SLC40A1: variants seen among roughly 807,000 people sequenced by gnomAD.
The protein encoded by SLC40A1 is ferroportin.
In SLC40A1, 16 loss-of-function variants were observed where a neutral mutation model predicts 53.5. That is an observed-to-expected ratio of 0.30 (90% CI 0.20 to 0.45). The LOEUF is 0.45. Among genes scored for constraint, SLC40A1 ranks in the 20% least tolerant of loss-of-function variants. The pLI, the probability that SLC40A1 is intolerant of heterozygous loss-of-function variation, is 1.00. For missense variants in SLC40A1, 545 were observed against 695.4 expected (o/e 0.78, Z 2.43); for synonymous variants, 247 against 253.2 (o/e 0.98, Z 0.23).
Position 189,564,128 on chromosome 2 carries a change from G to A in SLC40A1, c.858C>T (p.Ser286=), listed in dbSNP as rs1231452884. The A allele has an allele frequency of 1.9e-6, 3 of 1,611,706 alleles. No individual in the cohort carries two copies. The highest frequency in any genetic ancestry group is 1.3e-5 in the African/African-American group (1 of 74,826). Residue 286 remains serine (S), a synonymous_variant, in exon 7 of 8, where the codon TCC becomes TCT. Coordinates refer to ENST00000261024, the MANE Select transcript of SLC40A1 (RefSeq NM_014585.6). Reference sequence around the variant, plus strand: ...AGGTACGGAAGGGCTCAGCCATCTGGGAGGCACAAGTAGGCTCTTGCTCAT... The same window carrying A: ...AGGTACGGAAGGGCTCAGCCATCTGAGAGGCACAAGTAGGCTCTTGCTCAT... The part of the protein sequence containing the change: ...LEHEQEPTCA[S]QMAEPFRTFR...
chr2:189,574,004 T>C (rs1464762974), intron 3 of SLC40A1, among the ~76,000 whole-genome samples: 1 of 152,198 alleles, frequency 6.6e-6, no homozygotes, highest in Non-Finnish European at 1.5e-5. Flanking sequence ...GATCATTATA[T>C]CTGTGTAAGA....
At chr2:189,565,266 T>C (rs1243662952) in intron 6 of SLC40A1, 88 bp downstream of exon 6, 2 of 1,548,102 alleles carry the variant, frequency 1.3e-6, no homozygotes, top group Non-Finnish European at 1.8e-6. Flanking sequence ...TAATAAAACC[T>C]GATACAAATT....
intron 2 of SLC40A1, among the ~76,000 whole-genome samples, chr2:189,577,863 T>TGCCTCA (rs56208508): frequency 0.75 from 113,400 of 151,398 alleles, 46,129 homozygotes; most frequent in Non-Finnish European, 0.9. Flanking sequence ...GGAATCCTCC[T>TGCCTCA]GCCTCCCAAA....
At chr2:189,578,067 C>A (rs2031345676) in intron 2 of SLC40A1, among the ~76,000 whole-genome samples, 1 of 152,110 alleles carries the variant, frequency 6.6e-6, no homozygotes, top group Non-Finnish European at 1.5e-5. Context: ...ACGTTCAGTG[C>A]ATAAGAAATC....
intron 2 of SLC40A1, among the ~76,000 whole-genome samples, chr2:189,577,742 T>C (rs770096746): frequency 2.0e-5 from 3 of 151,752 alleles, no homozygotes; most frequent in Non-Finnish European, 4.4e-5. Context: ...AGCCTCTCAG[T>C]AGCTGGGACT....
At position 189,575,313 on chromosome 2, in the gene SLC40A1, C is replaced by T. The variant is rs746832217; in HGVS notation, c.119G>A (p.Arg40Gln). ...LGHSLSTWGDRMWHFAVSVFL... is the reference protein window; with the variant it reads ...LGHSLSTWGDQMWHFAVSVFL... ...CACAGACACCGCAAAGTGCCACATC[C>T]GATCTCCCTTAAATGAAAAGAGAAA... The change falls in exon 3 of 8, where the codon CGG (arginine) becomes CAG (glutamine). Residue 40 changes from arginine (R) to glutamine (Q), a missense_variant. By Grantham distance (43) the Arg-to-Gln change is conservative. Transcript: ENST00000261024. 4.3e-6 allele frequency: 7 copies of T among 1,614,068 alleles called. No individual in the cohort carries two copies. Among genetic ancestry groups the T allele is most frequent in the East Asian group, 2.2e-5 (1 of 44,884 alleles).
At chr2:189,571,025 G>A (rs1354104279) in intron 5 of SLC40A1, among the ~76,000 whole-genome samples, 5 of 152,100 alleles carry the variant, frequency 3.3e-5, no homozygotes, top group Non-Finnish European at 5.9e-5. Context: ...ATGAGGGGAC[G>A]GCAGGCAATA....
rs998420035 is a variant in SLC40A1, at chr2:189,561,560, C to T, written c.*318G>A. On this transcript the variant is annotated 3_prime_UTR_variant, in exon 8 of 8. Coordinates refer to ENST00000261024, the MANE Select transcript of SLC40A1 (RefSeq NM_014585.6). Reference sequence around the variant, plus strand: ...CAGATAAGAATCTGTCAAATGATAACTGAATTCACGTGACTAACCACTCTT... The same window carrying T: ...CAGATAAGAATCTGTCAAATGATAATTGAATTCACGTGACTAACCACTCTT... 2.4e-5 allele frequency: 7 copies of T among 286,038 alleles called. No individual in the cohort carries two copies. Among genetic ancestry groups the T allele is most frequent in the African/African-American group, 1.3e-4 (6 of 45,488 alleles). 17.7% of individuals were successfully genotyped at this position (286,038 alleles called of 1,614,324 possible). A position where few individuals can be genotyped will look rare whatever the true frequency, so the allele number is the denominator to read the frequency against.
At chr2:189,564,818 C>T (rs1016441186) in intron 6 of SLC40A1, among the ~76,000 whole-genome samples, 16 of 152,170 alleles carry the variant, frequency 1.1e-4, no homozygotes, top group African/African-American at 3.9e-4. Context: ...CCAGCCTGGG[C>T]GACAGAGCGA....
rs747421463 is a variant in SLC40A1, at chr2:189,580,436, G to A, written c.25C>T (p.Arg9Cys). 3 of 1,613,828 alleles carry A rather than the reference G, an allele frequency of 1.9e-6. No individual in the cohort carries two copies. Among genetic ancestry groups the A allele is most frequent in the Non-Finnish European group, 2.5e-6 (3 of 1,180,022 alleles). MTRAGDHN[R>C]QRGCCGSLAD... ...CACTCACCACAGCATCCTCTCTGGC[G>A]GTTGTGATCTCCCGCCCTGGTCATG... is the stretch of plus-strand genomic sequence containing the variant. The change falls in exon 1 of 8, where the codon CGC becomes TGC. Residue 9 changes from arginine to cysteine, a missense_variant. Physicochemically the swap from Arg to Cys is radical, Grantham distance 180. Transcript: ENST00000261024.
intron 5 of SLC40A1, 55 bp downstream of exon 5, chr2:189,571,660 C>G: frequency 1.3e-6 from 2 of 1,593,056 alleles, no homozygotes; most frequent in Non-Finnish European, 1.7e-6. Flanking sequence ...TTATCACCAC[C>G]GATTTAAAGT....
At position 189,580,730 on chromosome 2, in the gene SLC40A1, A is replaced by G; in HGVS notation, c.-270T>C. 1 of 1,365,866 alleles carries G rather than the reference A, an allele frequency of 7.3e-7. No homozygotes were observed. 84.6% of individuals were successfully genotyped at this position (1,365,866 alleles called of 1,614,324 possible). ...ATGGAAGCGGTTTGGGAGGCTCAGC[A>G]GGTCGTCCGAGCCTAGCGGACGCCC... On this transcript the variant is annotated 5_prime_UTR_variant, in exon 1 of 8. Transcript: ENST00000261024.
At chr2:189,576,074 G>A (rs1392009011) in intron 2 of SLC40A1, among the ~76,000 whole-genome samples, 1 of 152,150 alleles carries the variant, frequency 6.6e-6, no homozygotes, top group Non-Finnish European at 1.5e-5. Flanking sequence ...AGGGAATTTT[G>A]GAGTTCATTA....
chr2:189,568,633 T>C (rs2031012865), intron 5 of SLC40A1, among the ~76,000 whole-genome samples: 1 of 152,266 alleles, frequency 6.6e-6, no homozygotes. Context: ...CCAATTTAAC[T>C]GTTCTCAGCT....
chr2:189,579,877 G>T lies in SLC40A1; in HGVS notation c.47C>A (p.Ser16Tyr). ...DHNRQRGCCG[S>Y]LADYLTSAKF... ...TGCAGAGGTCAGGTAGTCGGCCAAG[G>T]ATCCTGCAAAGACACAGGCGGGGTG... Residue 16 changes from serine (S) to tyrosine (Y), a missense_variant, in exon 2 of 8, where the codon TCC becomes TAC. Transcript: ENST00000261024. The T allele has an allele frequency of 3.7e-6, 6 of 1,614,198 alleles. No homozygotes were observed. Among genetic ancestry groups the T allele is most frequent in the Non-Finnish European group, 5.1e-6 (6 of 1,180,020 alleles).
At chr2:189,571,429 T>C (rs1205069909) in intron 5 of SLC40A1, among the ~76,000 whole-genome samples, 1 of 147,564 alleles carries the variant, frequency 6.8e-6, no homozygotes, top group African/African-American at 2.4e-5. Context: ...TTTAGAAAGT[T>C]GATTGAATTT....
intron 2 of SLC40A1, among the ~76,000 whole-genome samples, chr2:189,577,954 T>C (rs2031342214): frequency 6.6e-6 from 1 of 152,040 alleles, no homozygotes; most frequent in Non-Finnish European, 1.5e-5. Context: ...TAATATAGAG[T>C]AAAATGCATT....
intron 2 of SLC40A1, among the ~76,000 whole-genome samples, chr2:189,577,950 A>G (rs1469518894): frequency 1.3e-5 from 2 of 152,186 alleles, no homozygotes; most frequent in African/African-American, 4.8e-5. Context: ...TTGATAATAT[A>G]GAGTAAAATG....
At chr2:189,574,610 C>T (rs1265942863) in intron 3 of SLC40A1, among the ~76,000 whole-genome samples, 1 of 152,138 alleles carries the variant, frequency 6.6e-6, no homozygotes, top group African/African-American at 2.4e-5. Flanking sequence ...GACATGATTT[C>T]AGTACTAATG....
Sources: gnomAD v4.1 joint callset for allele counts (sites outside exome capture counted in the v4.1 genomes callset) on GRCh38, gnomAD v4.1.1 for gene constraint, MANE v1.5 for transcripts, NCBI Gene and HGNC (gene_info 2026-07-23, HGNC 2026-07-21) for gene names.